Variants in TPR observed in about 807,000 individuals in gnomAD.
TPR encodes translocated promoter region, nuclear basket protein, also known as nucleoprotein TPR.
Under a neutral mutation model 316.1 loss-of-function variants are expected in TPR, and 51 were observed. The observed-to-expected ratio is 0.16, with a 90% CI of 0.13 to 0.20. TPR has a LOEUF of 0.20. TPR is among the 10% of genes least tolerant of loss of function. The pLI is 1.00. For missense variants in TPR, 2,272 were observed against 2,754.8 expected (o/e 0.82, Z 3.92); for synonymous variants, 981 against 914.7 (o/e 1.07, Z -1.31).
In TPR at chr1:186,351,988, C is replaced by A; in HGVS notation, c.2457G>T (p.Leu819=). ...QRGQNLLLTN[L]QTIQGILERS... is the part of the protein sequence containing the mutation. ...TTTATTTGGTTACCTGAATTGTTTG[C>A]AGATTAGTTAGCAGTAAGTTTTGCC... The change falls in exon 19 of 51, where the codon CTG becomes CTT. Residue 819 remains leucine, a synonymous_variant. Transcript: ENST00000367478. 1 of 1,596,108 alleles carries A rather than the reference C, an allele frequency of 6.3e-7. No homozygotes were observed. Among genetic ancestry groups the A allele is most frequent in the Admixed American group, 1.8e-5 (1 of 55,554 alleles).
rs547487756 is a variant in TPR, at chr1:186,352,034, G to C, written c.2411C>G (p.Ser804Cys). 1.2e-6 allele frequency: 2 copies of C among 1,609,906 alleles called. No individual in the cohort carries two copies. The highest frequency in any genetic ancestry group is 4.5e-5 in the East Asian group (2 of 44,552). Residue 804 changes from serine (S) to cysteine (C), a missense_variant, in exon 19 of 51, where the codon TCT becomes TGT. Transcript: ENST00000367478. ...SEVRLSQQRE[S>C]LLAEQRGQNL... ...TTGCCCCCTTTGTTCAGCTAACAAA[G>C]ACTCTCTTTGCTGAGAAAGACGAAC...
intron 24 of TPR, among the ~76,000 whole-genome samples, chr1:186,344,948 T>C (rs191629902): frequency 3.3e-5 from 5 of 152,212 alleles, no homozygotes; most frequent in Non-Finnish European, 7.4e-5. Context: ...CAATAAAGAA[T>C]AGTAAGCAAA....
chr1:186,341,131 G>A lies in TPR; in HGVS notation c.3917C>T (p.Pro1306Leu). The A allele has an allele frequency of 6.2e-7, 1 of 1,613,854 alleles. No individual in the cohort carries two copies. Among genetic ancestry groups the A allele is most frequent in the Non-Finnish European group, 8.5e-7 (1 of 1,179,964 alleles). Residue 1306 changes from proline to leucine, a missense_variant, in exon 29 of 51, where the codon CCC becomes CTC. Coordinates refer to ENST00000367478, the MANE Select transcript of TPR (RefSeq NM_003292.3). ...KVRKLELDIL[P>L]LQEANAELSE... Reference sequence around the variant, plus strand: ...CAGCTCAGCATTTGCTTCTTGTAAGGGTAAAATATCTAACTCCAGTTTCCT... The same window carrying A: ...CAGCTCAGCATTTGCTTCTTGTAAGAGTAAAATATCTAACTCCAGTTTCCT...
At chr1:186,358,077 G>C (rs1571631446) in intron 13 of TPR, among the ~76,000 whole-genome samples, 1 of 152,258 alleles carries the variant, frequency 6.6e-6, no homozygotes, top group South Asian at 2.1e-4. Flanking sequence ...TAAAATATAT[G>C]AATGAGACAT....
intron 2 of TPR, among the ~76,000 whole-genome samples, chr1:186,372,380 AAAAATAC>A (rs1356419854): frequency 6.6e-6 from 1 of 152,184 alleles, no homozygotes; most frequent in Non-Finnish European, 1.5e-5. Context: ...TGTATCTACT[AAAAATAC>A]AAAAATTAGC....
rs932370805 is a variant in TPR at position 186,325,995 on chromosome 1, A to C, written c.6021+109T>G. On this transcript the variant is annotated intron_variant, in intron 41 of 50. Transcript: ENST00000367478. Reference sequence around the variant, plus strand: ...AAAAAACAAAACAAATGAACAAAACAACCAAAGGTTTTAGTGAATTTCATA... The same window carrying C: ...AAAAAACAAAACAAATGAACAAAACCACCAAAGGTTTTAGTGAATTTCATA... 1.3e-5 allele frequency: 21 copies of C among 1,563,214 alleles called. No homozygotes were observed. The Admixed American group carries it at 2.8e-4, about 21-fold the overall frequency.
intron 48 of TPR, 90 bp from the exon 49 acceptor site, chr1:186,317,690 A>T: frequency 8.2e-7 from 1 of 1,212,950 alleles, no homozygotes; most frequent in Non-Finnish European, 1.2e-6. Flanking sequence ...TTATCACTTA[A>T]GTAATCCAGA....
rs533231871 is a variant in TPR at position 186,373,601 on chromosome 1, T to G, written c.152-138A>C. 45 of 496,996 alleles carry G rather than the reference T, an allele frequency of 9.1e-5. 1 individual carries two copies. In the South Asian group the frequency reaches 1.7e-3, roughly 18 times the overall value. The allele number at this position is 496,996 out of a possible 1,614,324, so 30.8% of individuals were successfully genotyped here. ...GAATTGTGCTCCACATAAGAGAATC[T>G]GAGTAAAGATAAATAGACTGAGCAC... is the stretch of plus-strand genomic sequence containing the variant. On this transcript the variant is annotated intron_variant, in intron 1 of 50. Transcript: ENST00000367478.
chr1:186,350,478 C>A, intron 20 of TPR, 90 bp from the exon 21 acceptor site: 2 of 980,028 alleles, frequency 2.0e-6, no homozygotes, highest in South Asian at 2.2e-5. Flanking sequence ...GGAGCTCGGC[C>A]AAGAGAGTAA....
intron 39 of TPR, among the ~76,000 whole-genome samples, chr1:186,330,316 C>A (rs950370135): frequency 6.6e-6 from 1 of 152,102 alleles, no homozygotes. Flanking sequence ...AGACTCCTAT[C>A]TCTGATTTAC....
Position 186,350,403 on chromosome 1 carries a change from A to C in TPR, c.2611-15T>G, listed in dbSNP as rs776077744. Reference sequence around the variant, plus strand: ...AAAAGTTGAACCTATAAAATACATTAATCTTATAACATTCTTTAGGTTCCT... The same window carrying C: ...AAAAGTTGAACCTATAAAATACATTCATCTTATAACATTCTTTAGGTTCCT... On this transcript the variant is annotated splice_polypyrimidine_tract_variant and intron_variant, in intron 20 of 50. Coordinates refer to ENST00000367478, the MANE Select transcript of TPR (RefSeq NM_003292.3). The C allele has an allele frequency of 5.0e-5, 77 of 1,548,142 alleles. No individual in the cohort carries two copies. The highest frequency in any genetic ancestry group is 6.2e-5 in the Non-Finnish European group (71 of 1,141,246).
intron 18 of TPR, 54 bp downstream of exon 18, chr1:186,353,634 A>C: frequency 6.4e-7 from 1 of 1,570,826 alleles, no homozygotes; most frequent in Non-Finnish European, 8.6e-7. Flanking sequence ...TAAAAACTAA[A>C]GAAATGTCAA....
Position 186,363,494 on chromosome 1 carries a change from G to C in TPR, c.428-49C>G, listed in dbSNP as rs527355911. 1.2e-5 allele frequency: 15 copies of C among 1,224,880 alleles called. 1 individual carries two copies. The South Asian group carries it at 1.9e-4, about 16-fold the overall frequency. 75.9% of individuals were successfully genotyped at this position (1,224,880 alleles called of 1,614,324 possible). Reference sequence around the variant, plus strand: ...AAATAATAACTAATTAACACTCAGGGGAACCAAATATCAAAAATATATTTC... The same window carrying C: ...AAATAATAACTAATTAACACTCAGGCGAACCAAATATCAAAAATATATTTC... On this transcript the variant is annotated intron_variant, in intron 4 of 50. Coordinates refer to ENST00000367478, the MANE Select transcript of TPR (RefSeq NM_003292.3).
At chr1:186,364,908 G>A (rs1659294134) in intron 4 of TPR, among the ~76,000 whole-genome samples, 1 of 152,080 alleles carries the variant, frequency 6.6e-6, no homozygotes, top group South Asian at 2.1e-4. Context: ...ATGCAGTCAG[G>A]TTTATGATAA....
intron 4 of TPR, among the ~76,000 whole-genome samples, chr1:186,364,772 T>A (rs1659287070): frequency 6.6e-6 from 1 of 152,178 alleles, no homozygotes; most frequent in South Asian, 2.1e-4. Flanking sequence ...ACCAGGTTTT[T>A]AATGCAGATA....
chr1:186,327,783 ATTTAAT>A, intron 39 of TPR, 123 bp from the exon 40 acceptor site: 2 of 874,510 alleles, frequency 2.3e-6, no homozygotes, highest in African/African-American at 1.7e-5. Flanking sequence ...GCAGCATTTA[ATTTAAT>A]TTTTTTTTTT....
At chr1:186,344,186 A>G in intron 25 of TPR, 96 bp from the exon 26 acceptor site, 1 of 1,442,210 alleles carries the variant, frequency 6.9e-7, no homozygotes. Context: ...TGTAATCCCG[A>G]CTACTTGGGA....
At chr1:186,345,509 A>C in intron 24 of TPR, 71 bp downstream of exon 24, 1 of 1,196,800 alleles carries the variant, frequency 8.4e-7, no homozygotes, top group Non-Finnish European at 1.2e-6. Context: ...CAGTTCTTAT[A>C]ATGCATAAAT....
In TPR at chr1:186,352,074, G is replaced by A; in HGVS notation, c.2371C>T (p.Leu791Phe). 6.2e-7 allele frequency: 1 copy of A among 1,606,592 alleles called. No homozygotes were observed. Among genetic ancestry groups the A allele is most frequent in the Non-Finnish European group, 8.5e-7 (1 of 1,177,646 alleles). ...GAAAGACGAACTTCAGACAATTTAA[G>A]CATTTCCTTTTCCTTCTTCAAATTT... ...AENLKKEKEM[L>F]KLSEVRLSQQ... Residue 791 changes from leucine to phenylalanine, a missense_variant, in exon 19 of 51, where the codon CTT becomes TTT. Physicochemically the swap from Leu to Phe is conservative, Grantham distance 22 (BLOSUM62 0). Around this residue, in one of 10 missense-constraint regions of TPR, gnomAD observed 757 missense variants for 859.8 expected, o/e 0.88. Coordinates refer to ENST00000367478, the MANE Select transcript of TPR (RefSeq NM_003292.3).
Sources: gnomAD v4.1 joint callset for allele counts (sites outside exome capture counted in the v4.1 genomes callset) on GRCh38, gnomAD v4.1.1 for gene constraint, gnomAD v4.1.1 regional missense constraint, MANE v1.5 for transcripts, NCBI Gene and HGNC (gene_info 2026-07-23, HGNC 2026-07-21) for gene names.